CNOT6L: variants seen among roughly 807,000 people sequenced by gnomAD.
CNOT6L encodes CCR4-NOT transcription complex subunit 6 like, also known as CCR4-NOT transcription complex subunit 6-like.
A neutral mutation model predicts 64.0 loss-of-function variants in CNOT6L; 7 were observed. That is an observed-to-expected ratio of 0.11 (90% confidence interval 0.06 to 0.21). The LOEUF is 0.21. CNOT6L is among the 10% of genes least tolerant of loss of function. The pLI is 1.00. For missense variants in CNOT6L, 245 were observed against 669.0 expected, an observed-to-expected ratio of 0.37 and a Z score of 6.99; for synonymous variants, 193 against 243.4, an observed-to-expected ratio of 0.79 and a Z score of 1.93.
At chr4:77,756,174 T>C (rs1025527154) in intron 5 of CNOT6L, among the ~76,000 whole-genome samples, 1 of 151,962 alleles carries the variant, frequency 6.6e-6, no homozygotes, top group African/African-American at 2.4e-5. Context: ...AGTAGAGACG[T>C]TTCACCATGG....
rs1720470625 is a variant in CNOT6L at position 77,714,116 on chromosome 4, C to T, written c.*6315G>A. On this transcript the variant is annotated 3_prime_UTR_variant, in exon 12 of 12. Coordinates refer to ENST00000504123, the MANE Select transcript of CNOT6L (RefSeq NM_144571.3). The stretch of plus-strand genomic sequence containing the variant: ...ATTCAGGGAAAAAGTTACTAAAACA[C>T]CTTGCTTGGTTTTACAGTCATGTGC... 6.6e-6 allele frequency: 1 copy of T among 152,424 alleles called. No homozygotes were observed. Among genetic ancestry groups the T allele is most frequent in the African/African-American group, 2.4e-5 (1 of 41,374 alleles). 9.4% of individuals were successfully genotyped at this position (152,424 alleles called of 1,614,324 possible). A position where few individuals can be genotyped will look rare whatever the true frequency, so the allele number is the denominator to read the frequency against.
rs1316979389 is a variant in CNOT6L, at chr4:77,716,365, G to C, written c.*4066C>G. On this transcript the variant is annotated 3_prime_UTR_variant, in exon 12 of 12. Coordinates refer to ENST00000504123, the MANE Select transcript of CNOT6L (RefSeq NM_144571.3). ...TGGGACACAGTCAATTTTATCATTA[G>C]AAAATCTAGCCATGTATTAGGAATG... 1.3e-5 allele frequency: 2 copies of C among 152,028 alleles called. No individual in the cohort carries two copies. Among genetic ancestry groups the C allele is most frequent in the Non-Finnish European group, 2.9e-5 (2 of 67,970 alleles). 9.4% of individuals were successfully genotyped at this position (152,028 alleles called of 1,614,324 possible).
intron 4 of CNOT6L, among the ~76,000 whole-genome samples, chr4:77,771,262 G>A (rs976089960): frequency 1.1e-4 from 17 of 152,114 alleles, no homozygotes; most frequent in East Asian, 1.9e-4. Flanking sequence ...GCCGGGAGGC[G>A]GTGGTTGCAG....
intron 1 of CNOT6L, among the ~76,000 whole-genome samples, chr4:77,802,598 G>T (rs1731720749): frequency 6.6e-6 from 1 of 152,128 alleles, no homozygotes; most frequent in South Asian, 2.1e-4. Context: ...TAACTAGACT[G>T]ATAGAAGATG....
At chr4:77,743,641 A>T (rs1164575494) in intron 7 of CNOT6L, among the ~76,000 whole-genome samples, 1 of 117,892 alleles carries the variant, frequency 8.5e-6, no homozygotes, top group East Asian at 2.4e-4. Context: ...TCGCTCTGCC[A>T]TCCAGGCTGG....
At chr4:77,762,096 G>A (rs141444318) in intron 4 of CNOT6L, among the ~76,000 whole-genome samples, 1 of 152,100 alleles carries the variant, frequency 6.6e-6, no homozygotes, top group Non-Finnish European at 1.5e-5. Flanking sequence ...TGTAAATGAA[G>A]AGCTATACTG....
At chr4:77,781,123 T>A (rs1298854398) in intron 1 of CNOT6L, among the ~76,000 whole-genome samples, 1 of 151,780 alleles carries the variant, frequency 6.6e-6, no homozygotes, top group Non-Finnish European at 1.5e-5. Context: ...AAGTGGGAGA[T>A]GAACAATGAG....
chr4:77,758,906 T>C (rs971147700), intron 4 of CNOT6L, among the ~76,000 whole-genome samples: 1 of 152,112 alleles, frequency 6.6e-6, no homozygotes, highest in Non-Finnish European at 1.5e-5. Flanking sequence ...TTAACAGACC[T>C]AGAGTAAGAT....
chr4:77,720,602 G>A lies in CNOT6L; in HGVS notation c.1497C>T (p.Asn499=), dbSNP rs537970000. 9.3e-6 allele frequency: 15 copies of A among 1,613,214 alleles called. No homozygotes were observed. The highest frequency in any genetic ancestry group is 2.7e-5 in the African/African-American group (2 of 74,950). ...DYIFYSKTHM[N]VLGVLGPLDP... ...CTAAAGGCCCCAGGACACCAAGCAC[G>A]TTCATATGAGTCTTGGAATAGAAAA... is the stretch of plus-strand genomic sequence containing the variant. Residue 499 remains asparagine, a synonymous_variant, in exon 12 of 12, where the codon AAC becomes AAT. Coordinates refer to ENST00000504123, the MANE Select transcript of CNOT6L (RefSeq NM_144571.3).
intron 1 of CNOT6L, among the ~76,000 whole-genome samples, chr4:77,802,171 A>G (rs1731659033): frequency 6.6e-6 from 1 of 152,214 alleles, no homozygotes; most frequent in Non-Finnish European, 1.5e-5. Flanking sequence ...CAAATACAGT[A>G]ATTTGTAACT....
intron 4 of CNOT6L, among the ~76,000 whole-genome samples, chr4:77,763,543 TAAAC>T (rs1191738252): frequency 6.6e-6 from 1 of 151,904 alleles, no homozygotes; most frequent in Non-Finnish European, 1.5e-5. Flanking sequence ...CATAAGAAAA[TAAAC>T]AATTCCATTT....
chr4:77,785,359 T>A (rs1729312867), intron 1 of CNOT6L, among the ~76,000 whole-genome samples: 1 of 152,150 alleles, frequency 6.6e-6, no homozygotes, highest in Admixed American at 6.5e-5. Context: ...TGGCCTTGAA[T>A]TAGGCAAAGA....
intron 4 of CNOT6L, among the ~76,000 whole-genome samples, chr4:77,764,043 T>C (rs1726534978): frequency 6.6e-6 from 1 of 152,294 alleles, no homozygotes; most frequent in South Asian, 2.1e-4. Context: ...TATAATCCAG[T>C]ATAGGTACAC....
At position 77,776,401 on chromosome 4, in the gene CNOT6L, A is replaced by AT; in HGVS notation, c.6-10_6-9insA. ...TTGGCATCCCTATTAGTCTGTTTAA[A>AT]AAAAAAAAGGAGGAGATCAATAATT... On this transcript the variant is annotated splice_polypyrimidine_tract_variant and intron_variant, in intron 1 of 11. Transcript: ENST00000504123. The AT allele has an allele frequency of 1.3e-6, 2 of 1,549,426 alleles. No homozygotes were observed. The highest frequency in any genetic ancestry group is 1.4e-5 in the African/African-American group (1 of 71,660).
chr4:77,724,339 CAA>C (rs199899988), intron 11 of CNOT6L, among the ~76,000 whole-genome samples: 3 of 119,492 alleles, frequency 2.5e-5, no homozygotes, highest in African/African-American at 3.1e-5. Flanking sequence ...GACCCTGTCT[CAA>C]AAAAAAAAAA....
At chr4:77,812,794 T>C (rs1161064968) in intron 1 of CNOT6L, among the ~76,000 whole-genome samples, 1 of 152,164 alleles carries the variant, frequency 6.6e-6, no homozygotes, top group Non-Finnish European at 1.5e-5. Context: ...AAATTCCAGC[T>C]GACTTCTTTG....
chr4:77,770,150 A>C (rs1727361469), intron 4 of CNOT6L, among the ~76,000 whole-genome samples: 1 of 152,118 alleles, frequency 6.6e-6, no homozygotes, highest in South Asian at 2.1e-4. Context: ...CTCTCCTCAA[A>C]TCTCAAAATA....
chr4:77,771,989 C>T (rs1266809932), intron 4 of CNOT6L, among the ~76,000 whole-genome samples: 1 of 152,184 alleles, frequency 6.6e-6, no homozygotes, highest in African/African-American at 2.4e-5. Flanking sequence ...GAGAAAATTA[C>T]ACAAATTTCA....
At chr4:77,775,678 C>T (rs539442169) in intron 2 of CNOT6L, among the ~76,000 whole-genome samples, 4 of 152,182 alleles carry the variant, frequency 2.6e-5, no homozygotes, top group Non-Finnish European at 5.9e-5. Flanking sequence ...TACCTCTCCT[C>T]AGTCTCCTCT....
Sources: allele counts gnomAD v4.1 joint callset (sites outside exome capture counted in the v4.1 genomes callset), GRCh38; gene constraint gnomAD v4.1.1; transcripts MANE v1.5; gene names NCBI Gene and HGNC (gene_info 2026-07-23, HGNC 2026-07-21).